Variants in WNT8B observed in about 807,000 individuals in gnomAD.
The protein encoded by WNT8B is Wnt family member 8B, also known as protein Wnt-8b.
A neutral mutation model predicts 36.6 loss-of-function variants in WNT8B; 24 were observed. The ratio of observed to expected loss-of-function variants is 0.66; its 90% CI spans 0.48 to 0.92. WNT8B has a LOEUF of 0.92. Ranked by LOEUF, WNT8B falls within the 40% of genes least tolerant of loss-of-function variation. The pLI, the probability that WNT8B is intolerant of heterozygous loss-of-function variation, is 0.00. For synonymous variants in WNT8B, 199 were observed against 189.8 expected (o/e 1.05, Z -0.40); for missense variants, 402 against 470.8 (o/e 0.85, Z 1.35).
At chr10:100,481,276 G>GACA (rs1470082146) in intron 4 of WNT8B, among the ~76,000 whole-genome samples, 153 bp downstream of exon 4, 3 of 152,148 alleles carry the variant, frequency 2.0e-5, no homozygotes, top group African/African-American at 7.2e-5. Flanking sequence ...GCCCTACAAT[G>GACA]ACAAGCCAGG....
intron 4 of WNT8B, among the ~76,000 whole-genome samples, chr10:100,481,635 T>A (rs1851112798): frequency 6.6e-6 from 1 of 152,224 alleles, no homozygotes; most frequent in South Asian, 2.1e-4. Context: ...GAAGAGGCAC[T>A]GTTGGCAGAG....
chr10:100,477,940 C>CTTTTTTTTTTTT (rs1169521181), intron 1 of WNT8B, among the ~76,000 whole-genome samples: 1 of 145,110 alleles, frequency 6.9e-6, no homozygotes, highest in African/African-American at 2.7e-5. Flanking sequence ...CCATGCCTAG[C>CTTTTTTTTTTTT]TATTTTTTTT....
chr10:100,483,084 A>C lies in WNT8B; in HGVS notation c.*268A>C, dbSNP rs141921801. ...TACTGATCTTCCTTGGATTAGGAGA[A>C]CAGGTGTTCCTCCTCCCCTCTCCTA... is the stretch of plus-strand genomic sequence containing the variant. On this transcript the variant is annotated 3_prime_UTR_variant, in exon 6 of 6. Transcript: ENST00000343737. The C allele has an allele frequency of 4.8e-6, 2 of 419,320 alleles. No homozygotes were observed. Among genetic ancestry groups the C allele is most frequent in the Non-Finnish European group, 8.4e-6 (2 of 239,010 alleles). 26.0% of individuals were successfully genotyped at this position (419,320 alleles called of 1,614,324 possible).
In WNT8B at chr10:100,482,791, C is replaced by A. The variant is rs942454614; in HGVS notation, c.1031C>A (p.Ala344Glu). The A allele has an allele frequency of 3.8e-6, 6 of 1,581,158 alleles. No individual in the cohort carries two copies. The highest frequency in any genetic ancestry group is 3.4e-5 in the South Asian group (3 of 88,002). ...SRAERPRGGA[A>E]HKPGRKP ...GCAGAGCGGCCGCGGGGGGGCGCTG[C>A]GCACAAACCCGGGAGAAAACCCTAA... The change falls in exon 6 of 6, where the codon GCG becomes GAG. Residue 344 changes from alanine to glutamate, a missense_variant. Ala to Glu is a moderately radical substitution (Grantham distance 107). Transcript: ENST00000343737. The surrounding 1 kb of genome is among the most constrained non-coding windows in gnomAD (Gnocchi z 6.6).
At position 100,483,104 on chromosome 10, in the gene WNT8B, C is replaced by G; in HGVS notation, c.*288C>G. 2.6e-6 allele frequency: 1 copy of G among 381,714 alleles called. No individual in the cohort carries two copies. The highest frequency in any genetic ancestry group is 4.7e-6 in the Non-Finnish European group (1 of 215,024). 23.6% of individuals were successfully genotyped at this position (381,714 alleles called of 1,614,324 possible). ...GGAGAACAGGTGTTCCTCCTCCCCT[C>G]TCCTAGCAGCCCTAATGTCTGACCT... On this transcript the variant is annotated 3_prime_UTR_variant, in exon 6 of 6. Coordinates refer to ENST00000343737, the MANE Select transcript of WNT8B (RefSeq NM_003393.4).
intron 2 of WNT8B, 119 bp from the exon 3 acceptor site, chr10:100,479,755 A>C: frequency 1.5e-6 from 2 of 1,290,624 alleles, no homozygotes; most frequent in South Asian, 3.0e-5. Flanking sequence ...CAGCATATTT[A>C]AAGGCTTACT....
chr10:100,479,919 G>A lies in WNT8B; in HGVS notation c.148G>A (p.Gly50Ser), dbSNP rs757674006. 4 of 1,613,890 alleles carry A rather than the reference G, an allele frequency of 2.5e-6. No homozygotes were observed. The highest frequency in any genetic ancestry group is 2.5e-6 in the Non-Finnish European group (3 of 1,179,952). Residue 50 changes from glycine to serine, a missense_variant, in exon 3 of 6, where the codon GGT (glycine) becomes AGT (serine). This residue lies in a region of WNT8B where 131 missense variants were observed against 152.6 expected (regional missense o/e 0.86). Coordinates refer to ENST00000343737, the MANE Select transcript of WNT8B (RefSeq NM_003393.4). ...SSSVAAGAQS[G>S]IEECKYQFAW... ...CAGTGTGGCAGCTGGTGCCCAGAGT[G>A]GTATTGAAGAATGCAAGTATCAGTT...
intron 1 of WNT8B, among the ~76,000 whole-genome samples, chr10:100,469,682 A>ACTGTGTGTGTG: frequency 6.6e-6 from 1 of 152,250 alleles, no homozygotes; most frequent in Non-Finnish European, 1.5e-5. Context: ...TATTAGTAAG[A>ACTGTGTGTGTG]CCTACTTTCT....
In WNT8B at chr10:100,463,156, A is replaced by T. The variant is rs772610477; in HGVS notation, c.-13A>T. Reference sequence around the variant, plus strand: ...TTTTTTGGAATTTTCTCTAGCTGTTACTCCAGAGGATTATGTTTCTTTCAA... The same window carrying T: ...TTTTTTGGAATTTTCTCTAGCTGTTTCTCCAGAGGATTATGTTTCTTTCAA... On this transcript the variant is annotated 5_prime_UTR_variant, in exon 1 of 6. Coordinates refer to ENST00000343737, the MANE Select transcript of WNT8B (RefSeq NM_003393.4). 6.2e-7 allele frequency: 1 copy of T among 1,612,710 alleles called. No individual in the cohort carries two copies. Among genetic ancestry groups the T allele is most frequent in the South Asian group, 1.1e-5 (1 of 90,884 alleles).
chr10:100,480,598 T>C (rs901926135), intron 3 of WNT8B, among the ~76,000 whole-genome samples: 1 of 152,148 alleles, frequency 6.6e-6, no homozygotes, highest in Non-Finnish European at 1.5e-5. Context: ...GTCATGTGTG[T>C]CAACAGTACC....
At chr10:100,481,886 C>T (rs745455064) in intron 4 of WNT8B, 26 bp from the exon 5 acceptor site, 31 of 1,610,186 alleles carry the variant, frequency 1.9e-5, no homozygotes, top group Non-Finnish European at 2.5e-5. Flanking sequence ...TGCTCAATGA[C>T]CTGTCCTCCC....
At chr10:100,471,757 GTC>G (rs1283537357) in intron 1 of WNT8B, among the ~76,000 whole-genome samples, 1 of 152,150 alleles carries the variant, frequency 6.6e-6, no homozygotes, top group East Asian at 1.9e-4. Flanking sequence ...CTATGTTTCA[GTC>G]TCTGTTTCTG....
At chr10:100,473,493 A>G (rs1271667280) in intron 1 of WNT8B, among the ~76,000 whole-genome samples, 1 of 152,134 alleles carries the variant, frequency 6.6e-6, no homozygotes, top group African/African-American at 2.4e-5. Flanking sequence ...GAGATTGCCT[A>G]TGCTGGACAT....
At chr10:100,467,622 C>T (rs938453673) in intron 1 of WNT8B, among the ~76,000 whole-genome samples, 14 of 152,162 alleles carry the variant, frequency 9.2e-5, no homozygotes, top group African/African-American at 2.7e-4. Flanking sequence ...TTATCCAGGA[C>T]GCTAAGTAGT....
At chr10:100,481,381 C>T (rs753373274) in intron 4 of WNT8B, among the ~76,000 whole-genome samples, 5 of 152,116 alleles carry the variant, frequency 3.3e-5, no homozygotes, top group Non-Finnish European at 5.9e-5. Context: ...TCCTCTGTTG[C>T]TTCTCTCAAA....
intron 1 of WNT8B, among the ~76,000 whole-genome samples, chr10:100,471,136 G>A (rs1486441294): frequency 3.3e-5 from 5 of 152,362 alleles, no homozygotes; most frequent in South Asian, 2.1e-4. Flanking sequence ...GGTAGCCTAG[G>A]AGCAATAGGC....
chr10:100,479,642 T>C (rs1243008654), intron 2 of WNT8B, among the ~76,000 whole-genome samples: 2 of 152,288 alleles, frequency 1.3e-5, no homozygotes, highest in African/African-American at 4.8e-5. Context: ...ATTTGCTAGC[T>C]CTGGGACTTT....
chr10:100,482,150 A>G lies in WNT8B; in HGVS notation c.510+96A>G, dbSNP rs976565521. On this transcript the variant is annotated intron_variant, in intron 5 of 5. Transcript: ENST00000343737. This position sits in a 1 kb window ranked among gnomAD's most constrained non-coding sequence, Gnocchi z 6.6. ...TCTTCAGTTCATTTAAAAGATTGGC[A>G]AAATGAGGTACCAAGTGGGCTGGCC... 3.2e-6 allele frequency: 5 copies of G among 1,570,394 alleles called. No homozygotes were observed. The highest frequency in any genetic ancestry group is 4.3e-6 in the Non-Finnish European group (5 of 1,157,858).
intron 1 of WNT8B, among the ~76,000 whole-genome samples, chr10:100,470,586 A>C (rs1850965357): frequency 6.6e-6 from 1 of 152,036 alleles, no homozygotes; most frequent in African/African-American, 2.4e-5. Flanking sequence ...GTTGGGGAGA[A>C]GCCAGAAATA....
Sources: gnomAD v4.1 joint callset for allele counts (sites outside exome capture counted in the v4.1 genomes callset) on GRCh38, gnomAD v4.1.1 for gene constraint, gnomAD v4.1.1 regional missense constraint, Gnocchi (gnomAD v3.1) non-coding constraint, MANE v1.5 for transcripts, NCBI Gene and HGNC (gene_info 2026-07-23, HGNC 2026-07-21) for gene names.